Variants in TMEM123 observed in about 807,000 individuals in gnomAD.
The protein encoded by TMEM123 is porimin.
In TMEM123, 16 loss-of-function variants were observed where a neutral mutation model predicts 19.7. The ratio of observed to expected loss-of-function variants is 0.81; its 90% CI spans 0.55 to 1.23. The LOEUF is 1.23. Among genes scored for constraint, TMEM123 ranks in the 50% most tolerant of loss-of-function variants. The pLI is 0.00. For synonymous variants in TMEM123, 118 were observed against 99.4 expected (o/e 1.19, Z -1.12); for missense variants, 313 against 257.8 (o/e 1.21, Z -1.47).
At chr11:102,408,800 AT>A (rs1951977806) in intron 2 of TMEM123, among the ~76,000 whole-genome samples, 1 of 152,152 alleles carries the variant, frequency 6.6e-6, no homozygotes, top group Non-Finnish European at 1.5e-5. Flanking sequence ...GATATTTTTG[AT>A]TTATCAATGC....
At chr11:102,430,166 CTGT>C (rs1419107209) in intron 2 of TMEM123, among the ~76,000 whole-genome samples, 1 of 152,190 alleles carries the variant, frequency 6.6e-6, no homozygotes, top group Non-Finnish European at 1.5e-5. Context: ...CAATTCTCCC[CTGT>C]TAAGTGAGAA....
intron 2 of TMEM123, among the ~76,000 whole-genome samples, chr11:102,410,582 T>G (rs1397550338): frequency 6.6e-6 from 1 of 151,616 alleles, no homozygotes; most frequent in African/African-American, 2.4e-5. Flanking sequence ...CCTCTGTTCC[T>G]GCTCAAAACT....
At chr11:102,422,291 T>G (rs1952093635) in intron 2 of TMEM123, among the ~76,000 whole-genome samples, 1 of 152,116 alleles carries the variant, frequency 6.6e-6, no homozygotes, top group African/African-American at 2.4e-5. Context: ...CTGGCCAACA[T>G]GACGAAACCT....
At chr11:102,431,401 G>A (rs1054640764) in intron 2 of TMEM123, among the ~76,000 whole-genome samples, 1 of 152,292 alleles carries the variant, frequency 6.6e-6, no homozygotes, top group Middle Eastern at 3.4e-3. Context: ...TTTTTGTGGT[G>A]AGAACATTGA....
At chr11:102,439,633 C>T (rs1221036476) in intron 2 of TMEM123, among the ~76,000 whole-genome samples, 2 of 152,052 alleles carry the variant, frequency 1.3e-5, no homozygotes, top group African/African-American at 2.4e-5. Context: ...AAAATCAGAG[C>T]GCCTCTTCTC....
At chr11:102,426,277 A>G (rs1253904726) in intron 2 of TMEM123, among the ~76,000 whole-genome samples, 2 of 152,168 alleles carry the variant, frequency 1.3e-5, no homozygotes, top group African/African-American at 2.4e-5. Context: ...GTTCTTAACA[A>G]TAATAACAGT....
chr11:102,440,042 G>C lies in TMEM123; in HGVS notation c.157+8770C>G, dbSNP rs533474217. 3.3e-5 allele frequency among the ~76,000 whole-genome samples: 5 copies of C among 152,320 alleles called. No homozygotes were observed. The South Asian group carries it at 1.0e-3, about 32-fold the overall frequency. ...CGAACAAAGCCTTCAAGAAATATGGGACTATGTGAAAAGACCAAATCTATG... is the reference window on the plus strand; with the variant it reads ...CGAACAAAGCCTTCAAGAAATATGGCACTATGTGAAAAGACCAAATCTATG... On this transcript the variant is annotated intron_variant, in intron 2 of 4. Transcript: ENST00000398136.
At chr11:102,423,920 T>C (rs1952105253) in intron 2 of TMEM123, among the ~76,000 whole-genome samples, 3 of 152,332 alleles carry the variant, frequency 2.0e-5, no homozygotes, top group South Asian at 4.1e-4. Context: ...TTTAAAAGGC[T>C]ATCAAGATTT....
intron 2 of TMEM123, among the ~76,000 whole-genome samples, chr11:102,421,187 C>G (rs576022352): frequency 1.3e-5 from 2 of 152,274 alleles, no homozygotes; most frequent in African/African-American, 4.8e-5. Flanking sequence ...ATGCCATGTT[C>G]TATAAACCTG....
chr11:102,431,786 G>A (rs1857712649), intron 2 of TMEM123, among the ~76,000 whole-genome samples: 2 of 152,158 alleles, frequency 1.3e-5, no homozygotes. Context: ...TAATCCCCAT[G>A]TGTCATGGCA....
At position 102,435,176 on chromosome 11, in the gene TMEM123, T is replaced by C. The variant is rs566280823; in HGVS notation, c.157+13636A>G. Among the ~76,000 whole-genome samples the C allele has an allele frequency of 2.0e-5, 3 of 152,002 alleles. No individual in the cohort carries two copies. The South Asian group carries it at 6.2e-4, about 31-fold the overall frequency. ...GCGACAAAGCAAGATTCCATCTCTA[T>C]AAAAATAAATAAATAATTTTCCACT... On this transcript the variant is annotated intron_variant, in intron 2 of 4. Transcript: ENST00000398136.
intron 2 of TMEM123, among the ~76,000 whole-genome samples, chr11:102,436,617 ATTGT>A (rs1232208324): frequency 6.6e-6 from 1 of 151,934 alleles, no homozygotes; most frequent in Non-Finnish European, 1.5e-5. Context: ...AGTACCAATT[ATTGT>A]TTAACTCTAC....
intron 2 of TMEM123, among the ~76,000 whole-genome samples, chr11:102,427,576 T>C (rs1952140297): frequency 6.7e-6 from 1 of 148,440 alleles, no homozygotes; most frequent in African/African-American, 2.5e-5. Context: ...CGGTGGCTGA[T>C]GTCTGTAATC....
chr11:102,435,096 T>C (rs1019801247), intron 2 of TMEM123, among the ~76,000 whole-genome samples: 1 of 151,916 alleles, frequency 6.6e-6, no homozygotes, highest in African/African-American at 2.4e-5. Flanking sequence ...TCCCAGCACA[T>C]TGGGAGGCCA....
intron 2 of TMEM123, among the ~76,000 whole-genome samples, chr11:102,408,784 T>C (rs140449824): frequency 1.3e-5 from 2 of 152,298 alleles, no homozygotes; most frequent in African/African-American, 4.8e-5. Context: ...AAGAACACAC[T>C]ACTGGGATAT....
rs1751899794 is a variant in TMEM123, at chr11:102,398,052, AAAT to A, written c.*812_*814del. ...GTGGTGACAATATTCTCACAGTAGC[AAAT>A]AATCTAACTTCTAGGAGGTTTTTTC... On this transcript the variant is annotated 3_prime_UTR_variant, in exon 5 of 5. Transcript: ENST00000398136. The A allele has an allele frequency of 6.6e-6, 1 of 152,260 alleles. No individual in the cohort carries two copies. 9.4% of individuals were successfully genotyped at this position (152,260 alleles called of 1,614,324 possible).
At chr11:102,451,269 A>C (rs1857936216) in intron 1 of TMEM123, 1 of 152,248 alleles carries the variant, frequency 6.6e-6, no homozygotes, top group African/African-American at 2.4e-5. Context: ...ACAAATTTTT[A>C]AAAATGGAGA....
chr11:102,429,692 T>C (rs560822944), intron 2 of TMEM123, among the ~76,000 whole-genome samples: 2 of 152,226 alleles, frequency 1.3e-5, no homozygotes, highest in South Asian at 2.1e-4. Flanking sequence ...AAGCAAATGT[T>C]TGACATCTTA....
chr11:102,447,638 G>C (rs1474514273), intron 2 of TMEM123, among the ~76,000 whole-genome samples: 2 of 152,188 alleles, frequency 1.3e-5, no homozygotes, highest in African/African-American at 4.8e-5. Context: ...CTATCTAATA[G>C]TGTAATAAAA....
Sources: gnomAD v4.1 joint callset for allele counts (sites outside exome capture counted in the v4.1 genomes callset) on GRCh38, gnomAD v4.1.1 for gene constraint, MANE v1.5 for transcripts, NCBI Gene and HGNC (gene_info 2026-07-23, HGNC 2026-07-21) for gene names.